The following DOK6 variants were observed in gnomAD, a reference collection of about 807,000 sequenced individuals.
DOK6 encodes docking protein 6, also known as downstream of tyrosine kinase 6.
In DOK6, 22 loss-of-function variants were observed where a neutral mutation model predicts 44.0. The ratio of observed to expected loss-of-function variants is 0.50; its 90% CI spans 0.36 to 0.71. DOK6 has a LOEUF of 0.71. Ranked by LOEUF, DOK6 falls within the 30% of genes least tolerant of loss-of-function variation. The probability of loss-of-function intolerance (pLI) is 0.00; values close to 1 mark genes in which losing one functional copy is unlikely to be tolerated. For synonymous variants in DOK6, 166 were observed against 145.5 expected, an observed-to-expected ratio of 1.14 and a Z score of -1.01; for missense variants, 340 against 416.4, an observed-to-expected ratio of 0.82 and a Z score of 1.60.
At chr18:69,468,081 A>G (rs1979979971) in intron 1 of DOK6, among the ~76,000 whole-genome samples, 1 of 152,152 alleles carries the variant, frequency 6.6e-6, no homozygotes, top group African/African-American at 2.4e-5. Context: ...TTCGTCATTT[A>G]TCCTCCTTAG....
chr18:69,474,693 C>A (rs917188479), intron 1 of DOK6, among the ~76,000 whole-genome samples: 1 of 152,174 alleles, frequency 6.6e-6, no homozygotes, highest in Admixed American at 6.5e-5. Flanking sequence ...GCAAGAAAAT[C>A]TTTGGCTATA....
intron 7 of DOK6, among the ~76,000 whole-genome samples, chr18:69,831,953 T>G (rs1348321416): frequency 6.6e-6 from 1 of 150,772 alleles, no homozygotes; most frequent in East Asian, 1.9e-4. Flanking sequence ...TCTCTAGATT[T>G]TTCTAAATAT....
chr18:69,595,518 G>A (rs1983720498), intron 2 of DOK6, among the ~76,000 whole-genome samples: 1 of 152,090 alleles, frequency 6.6e-6, no homozygotes, highest in South Asian at 2.1e-4. Context: ...GTAAGCTGCT[G>A]ATTTCTTTGG....
At chr18:69,734,406 A>AAAAG (rs1178860491) in intron 5 of DOK6, among the ~76,000 whole-genome samples, 1 of 149,706 alleles carries the variant, frequency 6.7e-6, no homozygotes, top group Non-Finnish European at 1.5e-5. Flanking sequence ...AAAAAAAAAA[A>AAAAG]AAAAAAAAAA....
intron 1 of DOK6, among the ~76,000 whole-genome samples, chr18:69,490,007 G>A (rs1020942366): frequency 2.0e-5 from 3 of 151,800 alleles, no homozygotes; most frequent in African/African-American, 7.3e-5. Flanking sequence ...ATTGTAGGCT[G>A]CCATGTCATA....
chr18:69,829,104 T>G (rs1981831526), intron 7 of DOK6, among the ~76,000 whole-genome samples: 1 of 150,272 alleles, frequency 6.7e-6, no homozygotes, highest in Admixed American at 6.6e-5. Flanking sequence ...AGTACACCAC[T>G]TGAACATATA....
chr18:69,596,415 T>C (rs1386050836), intron 2 of DOK6, among the ~76,000 whole-genome samples: 1 of 152,160 alleles, frequency 6.6e-6, no homozygotes, highest in Non-Finnish European at 1.5e-5. Context: ...TGCAAAGTGA[T>C]ATACCATCAG....
intron 1 of DOK6, among the ~76,000 whole-genome samples, chr18:69,526,066 A>G (rs538883072): frequency 1.7e-3 from 266 of 152,266 alleles, no homozygotes; most frequent in Non-Finnish European, 3.2e-3. Flanking sequence ...AATTGTTATT[A>G]CGGCTTTATT....
At chr18:69,614,658 G>A (rs1984242893) in intron 3 of DOK6, among the ~76,000 whole-genome samples, 1 of 151,804 alleles carries the variant, frequency 6.6e-6, no homozygotes, top group African/African-American at 2.4e-5. Context: ...CGTAGAAACT[G>A]TAAATAGAAA....
At chr18:69,748,494 T>G (rs1383562324) in intron 6 of DOK6, among the ~76,000 whole-genome samples, 1 of 152,176 alleles carries the variant, frequency 6.6e-6, no homozygotes, top group African/African-American at 2.4e-5. Flanking sequence ...CCTCAGCAGA[T>G]GCAAAAGAAC....
chr18:69,756,380 T>C (rs112347841), intron 6 of DOK6, among the ~76,000 whole-genome samples: 1 of 152,070 alleles, frequency 6.6e-6, no homozygotes, highest in Non-Finnish European at 1.5e-5. Context: ...GTCTACCAAA[T>C]TTTGAAAAAC....
In DOK6 at chr18:69,548,143, C is replaced by T. The variant is rs112160005; in HGVS notation, c.67-16344C>T. 7.2e-3 allele frequency among the ~76,000 whole-genome samples: 1,086 copies of T among 150,548 alleles called. 35 individuals are homozygous for T. Among genetic ancestry groups the T allele is most frequent in the Admixed American group, 0.015 (231 of 15,068 alleles). ...TAATTTTTTGTATTTTTAGTAGAGACGGGGTTTCACGGTGTTAGCCAGGAT... is the reference window on the plus strand; with the variant it reads ...TAATTTTTTGTATTTTTAGTAGAGATGGGGTTTCACGGTGTTAGCCAGGAT... On this transcript the variant is annotated intron_variant, in intron 1 of 7. Coordinates refer to ENST00000382713, the MANE Select transcript of DOK6 (RefSeq NM_152721.6).
intron 1 of DOK6, among the ~76,000 whole-genome samples, chr18:69,410,764 C>T (rs1978302617): frequency 6.6e-6 from 1 of 151,978 alleles, no homozygotes; most frequent in South Asian, 2.1e-4. Context: ...ATTAAGATAC[C>T]ACGGCTATTT....
At chr18:69,610,966 G>C (rs9956643) in intron 3 of DOK6, among the ~76,000 whole-genome samples, 131,812 of 151,978 alleles carry the variant, frequency 0.87, 58,013 homozygotes, top group Non-Finnish European at 0.96. Flanking sequence ...GAGAGAGAGA[G>C]AGAGTTTTAA....
At chr18:69,562,716 A>G (rs969048230) in intron 1 of DOK6, among the ~76,000 whole-genome samples, 1 of 152,184 alleles carries the variant, frequency 6.6e-6, no homozygotes, top group African/African-American at 2.4e-5. Flanking sequence ...AACCTAGGTA[A>G]TACCATTCAG....
intron 1 of DOK6, among the ~76,000 whole-genome samples, chr18:69,530,713 T>A (rs1298080005): frequency 1.3e-5 from 2 of 152,162 alleles, no homozygotes; most frequent in African/African-American, 4.8e-5. Flanking sequence ...ATAAGTGCGA[T>A]GTGGTGCTGA....
intron 1 of DOK6, among the ~76,000 whole-genome samples, chr18:69,524,526 T>C (rs1020482466): frequency 1.3e-5 from 2 of 151,954 alleles, no homozygotes; most frequent in Non-Finnish European, 2.9e-5. Context: ...TAGTGACTTT[T>C]AGTTGGCTAA....
At chr18:69,544,486 A>G (rs1395344903) in intron 1 of DOK6, among the ~76,000 whole-genome samples, 1 of 151,654 alleles carries the variant, frequency 6.6e-6, no homozygotes, top group Non-Finnish European at 1.5e-5. Flanking sequence ...GAACCACATA[A>G]TGAAAACACT....
intron 1 of DOK6, among the ~76,000 whole-genome samples, chr18:69,428,924 AC>A (rs1599126541): frequency 6.6e-6 from 1 of 152,218 alleles, no homozygotes; most frequent in Non-Finnish European, 1.5e-5. Flanking sequence ...CCTTATAGGC[AC>A]CTACGTGATA....
Sources: allele counts gnomAD v4.1 joint callset (sites outside exome capture counted in the v4.1 genomes callset), GRCh38; gene constraint gnomAD v4.1.1; transcripts MANE v1.5; gene names NCBI Gene and HGNC (gene_info 2026-07-23, HGNC 2026-07-21).